Variants in SGCD observed in about 807,000 individuals in gnomAD.
SGCD encodes the protein sarcoglycan delta.
A neutral mutation model predicts 36.6 loss-of-function variants in SGCD; 18 were observed. The observed-to-expected ratio is 0.49, with a 90% CI of 0.34 to 0.73. The LOEUF (loss-of-function observed/expected upper bound fraction) is 0.73, where lower values mean the gene tolerates loss of function less well. Ranked by LOEUF, SGCD falls within the 30% of genes least tolerant of loss-of-function variation. The probability of loss-of-function intolerance (pLI) is 0.01; values close to 1 mark genes in which losing one functional copy is unlikely to be tolerated. For missense variants in SGCD, 387 were observed against 346.7 expected, an observed-to-expected ratio of 1.12 and a Z score of -0.92; for synonymous variants, 133 against 130.6, an observed-to-expected ratio of 1.02 and a Z score of -0.12.
intron 2 of SGCD, among the ~76,000 whole-genome samples, chr5:156,118,328 A>G (rs572324418): frequency 6.6e-6 from 1 of 152,200 alleles, no homozygotes; most frequent in African/African-American, 2.4e-5. Context: ...GGGAAATCAT[A>G]CATACTCTTA....
chr5:156,050,313 A>G (rs940527877), intron 1 of SGCD, among the ~76,000 whole-genome samples: 2 of 146,848 alleles, frequency 1.4e-5, no homozygotes, highest in African/African-American at 2.5e-5. Flanking sequence ...CTCCACCAGC[A>G]GAAAGATTAT....
intron 6 of SGCD, among the ~76,000 whole-genome samples, chr5:156,616,786 T>G (rs1762036034): frequency 6.6e-6 from 1 of 152,192 alleles, no homozygotes; most frequent in Non-Finnish European, 1.5e-5. Flanking sequence ...CAGGAATTGG[T>G]CAACTATAGA....
the SGCD span, among the ~76,000 whole-genome samples, chr5:155,788,088 A>G: frequency 6.6e-6 from 1 of 152,184 alleles, no homozygotes; most frequent in Non-Finnish European, 1.5e-5. Context: ...TTTTCTAGAC[A>G]CATAAAAAAT....
chr5:156,372,725 T>G (rs1283195641), intron 3 of SGCD, among the ~76,000 whole-genome samples: 1 of 152,222 alleles, frequency 6.6e-6, no homozygotes. Context: ...CTTTGCCTCC[T>G]ACAAATTAGA....
intron 1 of SGCD, among the ~76,000 whole-genome samples, chr5:156,010,415 C>A (rs1237403807): frequency 6.6e-6 from 1 of 152,118 alleles, no homozygotes; most frequent in African/African-American, 2.4e-5. Context: ...GATCTTACAA[C>A]CTGTTTGTTA....
intron 1 of SGCD, among the ~76,000 whole-genome samples, chr5:156,097,153 A>C (rs1761398633): frequency 6.6e-6 from 1 of 150,788 alleles, no homozygotes; most frequent in South Asian, 2.1e-4. Flanking sequence ...TTAGTTTTTC[A>C]TGTTTAATTA....
intron 1 of SGCD, among the ~76,000 whole-genome samples, chr5:155,985,296 C>T (rs1758308454): frequency 1.3e-5 from 2 of 152,064 alleles, no homozygotes; most frequent in African/African-American, 2.4e-5. Context: ...TGTTGGTAGG[C>T]CTCAATTCTA....
At chr5:155,789,194 T>C in the SGCD span, among the ~76,000 whole-genome samples, 1 of 152,156 alleles carries the variant, frequency 6.6e-6, no homozygotes, top group South Asian at 2.1e-4. Context: ...GTCGTGTTGC[T>C]TAATGTTCTT....
chr5:155,849,446 G>GCGCA, the SGCD span, among the ~76,000 whole-genome samples: 1,058 of 149,924 alleles, frequency 7.1e-3, 13 homozygotes, highest in African/African-American at 0.024. Context: ...ATGTGCGCGC[G>GCGCA]CACACACACA....
intron 3 of SGCD, among the ~76,000 whole-genome samples, chr5:156,372,958 C>A (rs17053495): frequency 0.035 from 5,196 of 148,388 alleles, 233 homozygotes; most frequent in African/African-American, 0.11. Flanking sequence ...CCCTGAGATG[C>A]CATAATGAAG....
chr5:156,699,001 T>G (rs1754428420), intron 7 of SGCD, among the ~76,000 whole-genome samples: 1 of 152,236 alleles, frequency 6.6e-6, no homozygotes, highest in African/African-American at 2.4e-5. Flanking sequence ...AGACAGAGGT[T>G]AAGAACAGAA....
At chr5:155,990,318 G>A (rs1184644592) in intron 1 of SGCD, among the ~76,000 whole-genome samples, 1 of 152,114 alleles carries the variant, frequency 6.6e-6, no homozygotes, top group Non-Finnish European at 1.5e-5. Context: ...ATTGAAACAA[G>A]GCAGCCATAG....
intron 3 of SGCD, among the ~76,000 whole-genome samples, chr5:156,224,559 G>A (rs535502699): frequency 7.2e-5 from 11 of 152,180 alleles, no homozygotes; most frequent in Admixed American, 3.3e-4. Flanking sequence ...TTAAGTTTAC[G>A]AAATGGCAGT....
At chr5:156,631,084 T>C (rs917269213) in intron 6 of SGCD, among the ~76,000 whole-genome samples, 23 of 152,132 alleles carry the variant, frequency 1.5e-4, no homozygotes, top group Non-Finnish European at 1.8e-4. Context: ...AACTGAGGTA[T>C]AGATCACTAT....
upstream of SGCD, among the ~76,000 whole-genome samples, chr5:155,868,726 T>C (rs1228052315): frequency 6.6e-6 from 1 of 152,156 alleles, no homozygotes; most frequent in Non-Finnish European, 1.5e-5. Flanking sequence ...TAAATTTTAG[T>C]TGAAAAGAGG....
At position 156,357,544 on chromosome 5, in the gene SGCD, G is replaced by A. The variant is rs371187401; in HGVS notation, c.192+12867G>A. ...CTTCAGTATTGGCTCAGCCATTGTC[G>A]ACTCAAGCGGTTTTATTCTCATGAA... On this transcript the variant is annotated intron_variant, in intron 3 of 8. Coordinates refer to ENST00000337851, the MANE Select transcript of SGCD (RefSeq NM_000337.6). 1.6e-4 allele frequency among the ~76,000 whole-genome samples: 24 copies of A among 152,120 alleles called. 1 individual carries two copies. The East Asian group carries it at 4.0e-3, about 26-fold the overall frequency.
chr5:156,188,665 ACCG>A (rs199757026), intron 3 of SGCD, among the ~76,000 whole-genome samples: 37,234 of 118,508 alleles, frequency 0.31, 5,202 homozygotes, highest in East Asian at 0.6. Context: ...GACCACCCCA[ACCG>A]CCCCCCCCGA....
At chr5:156,572,806 T>C (rs7718881) in intron 4 of SGCD, among the ~76,000 whole-genome samples, 41,709 of 152,016 alleles carry the variant, frequency 0.27, 5,913 homozygotes, top group Non-Finnish European at 0.31. Context: ...TAATATAATG[T>C]AGACATTAGC....
intron 1 of SGCD, among the ~76,000 whole-genome samples, chr5:156,056,999 A>G (rs993108677): frequency 6.8e-6 from 1 of 146,472 alleles, no homozygotes; most frequent in Admixed American, 6.8e-5. Context: ...ACTCCATGCA[A>G]GTGGTTTATC....
Sources: allele counts gnomAD v4.1 joint callset (sites outside exome capture counted in the v4.1 genomes callset), GRCh38; gene constraint gnomAD v4.1.1; transcripts MANE v1.5; gene names NCBI Gene and HGNC (gene_info 2026-07-23, HGNC 2026-07-21).